PAAF1: variants seen among roughly 807,000 people sequenced by gnomAD.
PAAF1 encodes the protein proteasomal ATPase associated factor 1.
A neutral mutation model predicts 52.8 loss-of-function variants in PAAF1; 46 were observed. The observed-to-expected ratio is 0.87, with a 90% confidence interval of 0.69 to 1.11. The LOEUF (loss-of-function observed/expected upper bound fraction) is 1.11, where lower values mean the gene tolerates loss of function less well. Among genes scored for constraint, PAAF1 ranks in the 50% most tolerant of loss-of-function variants. The pLI is 0.00. For missense variants in PAAF1, 424 were observed against 477.4 expected (o/e 0.89, Z 1.04); for synonymous variants, 178 against 172.8 (o/e 1.03, Z -0.24).
At chr11:73,880,680 C>G (rs569490326) in intron 2 of PAAF1, 1 of 95,812 alleles carries the variant, frequency 1.0e-5, no homozygotes, top group African/African-American at 4.5e-5. Flanking sequence ...GAGCAAGACT[C>G]TGTCTCGAAA....
At chr11:73,884,472 G>A (rs1260277807) in intron 2 of PAAF1, among the ~76,000 whole-genome samples, 1 of 152,158 alleles carries the variant, frequency 6.6e-6, no homozygotes. Context: ...TCCAGCCTGG[G>A]TGACAGAGCG....
chr11:73,923,524 T>C (rs902902499), intron 10 of PAAF1, among the ~76,000 whole-genome samples: 2 of 152,096 alleles, frequency 1.3e-5, no homozygotes, highest in East Asian at 1.9e-4. Flanking sequence ...GTACTACTTC[T>C]ATTTATTTAT....
At chr11:73,889,381 T>A in intron 3 of PAAF1, 1 of 530,046 alleles carries the variant, frequency 1.9e-6, no homozygotes, top group Non-Finnish European at 2.9e-6. Flanking sequence ...AGCATAAAAA[T>A]GTTTGACTTA....
rs570465345 is a variant in PAAF1 at position 73,878,812 on chromosome 11, T to A, written c.81T>A (p.His27Gln). Residue 27 changes from histidine to glutamine, a missense_variant, in exon 2 of 12, where the codon CAT (histidine) becomes CAA (glutamine). Transcript: ENST00000310571. ...AAGGGGAGGCCTGGCTGAGCTGTCA[T>A]CCCCCAGGTAATACCCATGAATTAT... ...KDEGEAWLSCHPPGKPSLYGS... is the reference protein window; with the variant it reads ...KDEGEAWLSCQPPGKPSLYGS... 1.9e-6 allele frequency: 3 copies of A among 1,613,626 alleles called. No homozygotes were observed. Among genetic ancestry groups the A allele is most frequent in the Non-Finnish European group, 2.5e-6 (3 of 1,179,712 alleles).
chr11:73,897,074 C>T (rs1248406348), intron 4 of PAAF1, among the ~76,000 whole-genome samples: 1 of 142,460 alleles, frequency 7.0e-6, no homozygotes, highest in Non-Finnish European at 1.6e-5. Context: ...CGCCCCTCAC[C>T]TCCCAGACGG....
intron 1 of PAAF1, 95 bp downstream of exon 1, chr11:73,877,163 G>C (rs892136362): frequency 1.6e-6 from 2 of 1,281,242 alleles, no homozygotes; most frequent in Non-Finnish European, 2.1e-6. Context: ...ATCAATAGGG[G>C]TTACTTCGTC....
At chr11:73,893,137 C>G (rs1455634530) in intron 4 of PAAF1, among the ~76,000 whole-genome samples, 2 of 152,046 alleles carry the variant, frequency 1.3e-5, no homozygotes, top group Non-Finnish European at 2.9e-5. Flanking sequence ...TTTATGAATA[C>G]ATTTATAGCT....
intron 4 of PAAF1, among the ~76,000 whole-genome samples, chr11:73,893,766 G>GAA (rs1220153088): frequency 8.0e-6 from 1 of 125,136 alleles, no homozygotes; most frequent in South Asian, 2.6e-4. Context: ...AAAAAAGAAA[G>GAA]AAAAAACTAA....
At chr11:73,907,516 G>C (rs1380546805) in intron 6 of PAAF1, among the ~76,000 whole-genome samples, 1 of 152,172 alleles carries the variant, frequency 6.6e-6, no homozygotes, top group Non-Finnish European at 1.5e-5. Flanking sequence ...TATAAGCTTG[G>C]TTCCCTGCTG....
chr11:73,920,767 A>C (rs1295486089), intron 10 of PAAF1, among the ~76,000 whole-genome samples: 1 of 151,492 alleles, frequency 6.6e-6, no homozygotes, highest in Non-Finnish European at 1.5e-5. Context: ...GAAGAGAATC[A>C]CTTGAACCTG....
chr11:73,878,674 A>G (rs1483704286), intron 1 of PAAF1, 105 bp from the exon 2 acceptor site: 2 of 927,456 alleles, frequency 2.2e-6, no homozygotes, highest in East Asian at 4.8e-5. Flanking sequence ...ATGTCTAAGT[A>G]CTATGACCAA....
intron 10 of PAAF1, 93 bp from the exon 11 acceptor site, chr11:73,924,522 C>A: frequency 9.8e-7 from 1 of 1,017,010 alleles, no homozygotes; most frequent in Non-Finnish European, 1.5e-6. Context: ...CTTCTTTACA[C>A]TAGTGATCTA....
At chr11:73,922,445 C>T (rs550757104) in intron 10 of PAAF1, among the ~76,000 whole-genome samples, 1 of 152,122 alleles carries the variant, frequency 6.6e-6, no homozygotes, top group South Asian at 2.1e-4. Context: ...AGTGGGCACC[C>T]CTAACTCTGG....
chr11:73,913,649 G>A (rs547228622), intron 7 of PAAF1, among the ~76,000 whole-genome samples: 1 of 150,316 alleles, frequency 6.7e-6, no homozygotes, highest in East Asian at 1.9e-4. Flanking sequence ...TATTTCCTTA[G>A]CAGTTAGAAT....
At chr11:73,876,862 G>C (rs1468812980), upstream of PAAF1, 1 of 704,686 alleles carries the variant, frequency 1.4e-6, no homozygotes. Flanking sequence ...CCAGCCCCTC[G>C]TGGGGAGCGT....
At chr11:73,924,796 T>A in intron 11 of PAAF1, 99 bp downstream of exon 11, 3 of 919,496 alleles carry the variant, frequency 3.3e-6, no homozygotes, top group Non-Finnish European at 5.2e-6. Flanking sequence ...TTAGGGATGA[T>A]AAAATAGTGC....
At position 73,922,816 on chromosome 11, in the gene PAAF1, C is replaced by CAA. The variant is rs372724683; in HGVS notation, c.1019-1781_1019-1780dup. On this transcript the variant is annotated intron_variant, in intron 10 of 11. Transcript: ENST00000310571. ...TGGGTGACAGAGCGAGACTCCGTCT[C>CAA]AAAAAAAAAAAAAAAAAAAGAAGTT... Among the ~76,000 whole-genome samples, 672 of 77,490 alleles carry CAA rather than the reference C, an allele frequency of 8.7e-3. 11 individuals are homozygous for CAA. The highest frequency in any genetic ancestry group is 0.022 in the African/African-American group (498 of 22,990). 50.8% of individuals were successfully genotyped at this position (77,490 alleles called of 152,430 possible).
chr11:73,921,003 A>T lies in PAAF1; in HGVS notation c.1018+1971A>T, dbSNP rs752378442. ...GTCCTATCTACAGGCCATTTTACTG[A>T]TTATTAACATCTCTGGCTGGGTGCA... On this transcript the variant is annotated intron_variant, in intron 10 of 11. Transcript: ENST00000310571. 9.7e-4 allele frequency among the ~76,000 whole-genome samples: 147 copies of T among 151,726 alleles called. 1 individual carries two copies. Among genetic ancestry groups the T allele is most frequent in the Non-Finnish European group, 3.4e-4 (23 of 67,944 alleles).
At position 73,891,216 on chromosome 11, in the gene PAAF1, A is replaced by C. The variant is rs750109971; in HGVS notation, c.282+15A>C. The C allele has an allele frequency of 7.0e-7, 1 of 1,429,326 alleles. No homozygotes were observed. The highest frequency in any genetic ancestry group is 9.8e-7 in the Non-Finnish European group (1 of 1,023,638). 88.5% of individuals were successfully genotyped at this position (1,429,326 alleles called of 1,614,324 possible). ...ATACAAAGAGTGTAAGTATTTTGAT[A>C]AAATGAAGAGAAAATGTAATAGCAT... On this transcript the variant is annotated intron_variant, in intron 4 of 11. Transcript: ENST00000310571.
Sources: allele counts gnomAD v4.1 joint callset (sites outside exome capture counted in the v4.1 genomes callset), GRCh38; gene constraint gnomAD v4.1.1; transcripts MANE v1.5; gene names NCBI Gene and HGNC (gene_info 2026-07-23, HGNC 2026-07-21).